Variants in CDH4 observed in about 807,000 individuals in gnomAD.
CDH4 encodes cadherin-4.
Under a neutral mutation model 86.0 loss-of-function variants are expected in CDH4, and 33 were observed. The observed-to-expected ratio is 0.38, with a 90% CI of 0.29 to 0.51. CDH4 has a LOEUF of 0.51. CDH4 is among the 20% of genes least tolerant of loss of function. The pLI is 0.86. For synonymous variants in CDH4, 555 were observed against 549.4 expected (o/e 1.01, Z -0.14); for missense variants, 1,114 against 1,307.4 (o/e 0.85, Z 2.28).
chr20:61,410,971 T>C (rs1008221821), intron 2 of CDH4, among the ~76,000 whole-genome samples: 1 of 151,886 alleles, frequency 6.6e-6, no homozygotes, highest in Non-Finnish European at 1.5e-5. Context: ...CATTCATCCA[T>C]CTGTCCATCA....
In CDH4 at chr20:61,276,963, A is replaced by G. The variant is rs1235382665; in HGVS notation, c.169+22026A>G. 2.0e-5 allele frequency among the ~76,000 whole-genome samples: 3 copies of G among 152,184 alleles called. No homozygotes were observed. The East Asian group carries it at 5.8e-4, about 29-fold the overall frequency. On this transcript the variant is annotated intron_variant, in intron 2 of 15. Transcript: ENST00000614565. ...CTAAAAGCTTTGAAGGCTCTGCTCT[A>G]TGCAGATTAAAGTCCAAGTGCACCA...
chr20:61,577,386 T>G (rs1306432765), intron 2 of CDH4, among the ~76,000 whole-genome samples: 2 of 152,176 alleles, frequency 1.3e-5, no homozygotes, highest in Non-Finnish European at 2.9e-5. Context: ...AGTGGATGTT[T>G]GTATATTGAA....
At chr20:61,832,293 C>T (rs893105716) in intron 4 of CDH4, among the ~76,000 whole-genome samples, 2 of 152,328 alleles carry the variant, frequency 1.3e-5, no homozygotes, top group Middle Eastern at 3.4e-3. Context: ...GTGAGTGACT[C>T]AACCTCCCTG....
At chr20:61,325,236 A>AG (rs1568798110) in intron 2 of CDH4, among the ~76,000 whole-genome samples, 1 of 151,390 alleles carries the variant, frequency 6.6e-6, no homozygotes, top group East Asian at 1.9e-4. Flanking sequence ...AAAAAAAAAA[A>AG]GTCTTGGCTT....
chr20:61,281,792 A>T (rs1474612366), intron 2 of CDH4, among the ~76,000 whole-genome samples: 1 of 152,204 alleles, frequency 6.6e-6, no homozygotes, highest in Non-Finnish European at 1.5e-5. Context: ...TGCTTTCATC[A>T]TGAGGGGTTA....
rs2085820735 is a variant in CDH4, at chr20:61,516,378, C to A, written c.170-227185C>A. Among the ~76,000 whole-genome samples the A allele has an allele frequency of 6.6e-6, 1 of 152,186 alleles. No homozygotes were observed. The highest frequency in any genetic ancestry group is 1.5e-5 in the Non-Finnish European group (1 of 68,044). Reference sequence around the variant, plus strand: ...AACATCTGTCACACACATACAGAGCCCCCGTCGGACGCTGCATGAGCTCAT... The same window carrying A: ...AACATCTGTCACACACATACAGAGCACCCGTCGGACGCTGCATGAGCTCAT... On this transcript the variant is annotated intron_variant, in intron 2 of 15. Transcript: ENST00000614565. This position sits in a 1 kb window ranked among gnomAD's most constrained non-coding sequence, Gnocchi z 4.0.
chr20:61,276,246 C>A (rs2084231347), intron 2 of CDH4, among the ~76,000 whole-genome samples: 1 of 152,156 alleles, frequency 6.6e-6, no homozygotes, highest in South Asian at 2.1e-4. Context: ...AAATTGAAGT[C>A]TCATTTCTGT....
intron 15 of CDH4, among the ~76,000 whole-genome samples, chr20:61,935,560 C>T (rs979687670): frequency 6.6e-6 from 1 of 152,206 alleles, no homozygotes; most frequent in African/African-American, 2.4e-5. Flanking sequence ...GAGTTCAAGA[C>T]CAGACTGGCC....
intron 2 of CDH4, among the ~76,000 whole-genome samples, chr20:61,284,035 G>T (rs569246029): frequency 6.6e-6 from 1 of 151,992 alleles, no homozygotes; most frequent in Non-Finnish European, 1.5e-5. Flanking sequence ...GGCCGGGCGC[G>T]GTGGCTCACA....
chr20:61,534,660 TCTTTC>T (rs1568881762), intron 2 of CDH4, among the ~76,000 whole-genome samples: 2,362 of 115,122 alleles, frequency 0.021, 186 homozygotes, highest in East Asian at 0.16. Context: ...TTTCTTTCTT[TCTTTC>T]TTTTTTTTTT....
At chr20:61,786,466 G>A (rs544230208) in intron 4 of CDH4, among the ~76,000 whole-genome samples, 21 of 152,232 alleles carry the variant, frequency 1.4e-4, no homozygotes, top group African/African-American at 4.8e-4. Context: ...CTACTGCCCT[G>A]GGTTGTGTGG....
intron 2 of CDH4, among the ~76,000 whole-genome samples, chr20:61,651,162 G>C (rs1401906461): frequency 6.6e-6 from 1 of 152,134 alleles, no homozygotes; most frequent in East Asian, 1.9e-4. Context: ...AGTTAGCCTC[G>C]TGCTTGGTCA....
chr20:61,724,138 G>A (rs903089282), intron 2 of CDH4, among the ~76,000 whole-genome samples: 3 of 150,826 alleles, frequency 2.0e-5, no homozygotes, highest in Non-Finnish European at 3.0e-5. Flanking sequence ...CAGGGGGGTG[G>A]GTCCCCATGC....
intron 2 of CDH4, among the ~76,000 whole-genome samples, chr20:61,430,652 G>A (rs1192403501): frequency 6.6e-6 from 1 of 152,172 alleles, no homozygotes; most frequent in East Asian, 1.9e-4. Context: ...TCCCAGCCTC[G>A]CCGGTGACAG....
At chr20:61,458,185 G>A (rs113251851) in intron 2 of CDH4, among the ~76,000 whole-genome samples, 19 of 151,420 alleles carry the variant, frequency 1.3e-4, no homozygotes, top group Non-Finnish European at 2.5e-4. Flanking sequence ...TGGTGGTGGC[G>A]GTGATGGTTA....
At chr20:61,578,826 G>A (rs1445526804) in intron 2 of CDH4, among the ~76,000 whole-genome samples, 1 of 152,090 alleles carries the variant, frequency 6.6e-6, no homozygotes, top group East Asian at 1.9e-4. Flanking sequence ...TTTAGTTTCA[G>A]ATCCATATAC....
At chr20:61,479,671 G>C (rs1314221611) in intron 2 of CDH4, among the ~76,000 whole-genome samples, 1 of 152,148 alleles carries the variant, frequency 6.6e-6, no homozygotes, top group Non-Finnish European at 1.5e-5. Context: ...AAGTGGGCTT[G>C]GTCTAGTTTT....
At chr20:61,932,645 G>A (rs2055126252) in intron 13 of CDH4, among the ~76,000 whole-genome samples, 1 of 152,186 alleles carries the variant, frequency 6.6e-6, no homozygotes, top group Admixed American at 6.5e-5. Flanking sequence ...ACGTCCTCCT[G>A]CAGATACACG....
rs892442539 is a variant in CDH4, at chr20:61,902,183, G to A, written c.1188+7136G>A. Among the ~76,000 whole-genome samples, 2 of 152,222 alleles carry A rather than the reference G, an allele frequency of 1.3e-5. No homozygotes were observed. Among genetic ancestry groups the A allele is most frequent in the South Asian group, 2.1e-4 (1 of 4,832 alleles). On this transcript the variant is annotated intron_variant, in intron 8 of 15. Transcript: ENST00000614565. The surrounding 1 kb of genome is among the most constrained non-coding windows in gnomAD (Gnocchi z 4.6). ...CGTGAAAGGCGGGTCCTCGGCAGGC[G>A]TGGAGGCATCGTGGATGGCCGTTTT...
Sources: gnomAD v4.1 joint callset for allele counts (sites outside exome capture counted in the v4.1 genomes callset) on GRCh38, gnomAD v4.1.1 for gene constraint, Gnocchi (gnomAD v3.1) non-coding constraint, MANE v1.5 for transcripts, NCBI Gene and HGNC (gene_info 2026-07-23, HGNC 2026-07-21) for gene names.